SLC12A2: variants seen among roughly 807,000 people sequenced by gnomAD.
SLC12A2 encodes the protein solute carrier family 12 member 2, also known as Na-K-2Cl cotransporter 1.
SLC12A2 carries 67 observed loss-of-function variants against 136.3 expected under a neutral mutation model. The observed-to-expected ratio is 0.49, with a 90% CI of 0.40 to 0.60. The LOEUF (loss-of-function observed/expected upper bound fraction) is 0.60, where lower values mean the gene tolerates loss of function less well. SLC12A2 is among the 20% of genes least tolerant of loss of function. SLC12A2 has a pLI of 0.00. For missense variants in SLC12A2, 1,322 were observed against 1,534.7 expected, an observed-to-expected ratio of 0.86 and a Z score of 2.32; for synonymous variants, 619 against 562.9, an observed-to-expected ratio of 1.10 and a Z score of -1.41.
chr5:128,164,291 GATTCTTCTGTAA>G (rs1561697451), intron 17 of SLC12A2, among the ~76,000 whole-genome samples: 1 of 152,162 alleles, frequency 6.6e-6, no homozygotes, highest in Non-Finnish European at 1.5e-5. Context: ...TGGTGTAAAT[GATTCTTCTGTAA>G]ATTTGGCAGG....
chr5:128,131,873 C>T (rs1286862611), intron 5 of SLC12A2, among the ~76,000 whole-genome samples: 1 of 151,956 alleles, frequency 6.6e-6, no homozygotes, highest in Non-Finnish European at 1.5e-5. Context: ...GGTGTGGTGG[C>T]GCATGCCTGT....
intron 1 of SLC12A2, chr5:128,109,406 T>A: frequency 6.0e-6 from 2 of 334,314 alleles, no homozygotes; most frequent in Non-Finnish European, 1.2e-5. Flanking sequence ...GGTGTGCCCC[T>A]GCCGAAGCCT....
chr5:128,140,830 A>G (rs1762342433), intron 9 of SLC12A2, among the ~76,000 whole-genome samples: 1 of 151,966 alleles, frequency 6.6e-6, no homozygotes, highest in Admixed American at 6.6e-5. Flanking sequence ...AGGTACCTTT[A>G]TGGAAACATG....
At chr5:128,098,174 G>T (rs1417119482) in intron 1 of SLC12A2, among the ~76,000 whole-genome samples, 1 of 151,936 alleles carries the variant, frequency 6.6e-6, no homozygotes. Context: ...TAAGTTTCTT[G>T]AATCTGTACG....
intron 17 of SLC12A2, 33 bp from the exon 18 acceptor site, chr5:128,167,728 T>C (rs780929155): frequency 1.4e-6 from 2 of 1,408,524 alleles, no homozygotes; most frequent in Non-Finnish European, 2.0e-6. Context: ...GAAAATAATA[T>C]ATCTGTAAAG....
chr5:128,173,216 T>C (rs1056575991), intron 19 of SLC12A2, among the ~76,000 whole-genome samples: 4 of 152,164 alleles, frequency 2.6e-5, no homozygotes, highest in Admixed American at 1.3e-4. Context: ...AAAAAGCAAT[T>C]TGAGGTCTTT....
chr5:128,162,810 C>G (rs1180362716), intron 17 of SLC12A2, among the ~76,000 whole-genome samples: 1 of 152,200 alleles, frequency 6.6e-6, no homozygotes, highest in Non-Finnish European at 1.5e-5. Flanking sequence ...AAAATTAAGT[C>G]TGCCAATACA....
At chr5:128,178,470 C>A in intron 21 of SLC12A2, 97 bp from the exon 22 acceptor site, 1 of 849,370 alleles carries the variant, frequency 1.2e-6, no homozygotes, top group Non-Finnish European at 1.7e-6. Flanking sequence ...GTAGTATAAA[C>A]ATCTGAATAT....
At chr5:128,105,110 A>G (rs1240291177) in intron 1 of SLC12A2, among the ~76,000 whole-genome samples, 6 of 152,248 alleles carry the variant, frequency 3.9e-5, no homozygotes, top group Non-Finnish European at 8.8e-5. Flanking sequence ...CCATTTTGAC[A>G]GAAGTCACTG....
rs758125825 is a variant in SLC12A2 at position 128,131,086 on chromosome 5, A to T, written c.1068A>T (p.Ile356=). The change falls in exon 5 of 27, where the codon ATA becomes ATT. Residue 356 remains isoleucine, a synonymous_variant. Transcript: ENST00000262461. ...FVRGGGAYYL[I]SRSLGPEFGG... is the part of the protein sequence containing the mutation. ...TTTTAGGAGGAGCATATTATTTAATATCTAGAAGTCTAGGGCCAGAATTTG... is the reference window on the plus strand; with the variant it reads ...TTTTAGGAGGAGCATATTATTTAATTTCTAGAAGTCTAGGGCCAGAATTTG... 1.6e-5 allele frequency: 26 copies of T among 1,614,004 alleles called. No homozygotes were observed. The South Asian group carries it at 2.7e-4, about 17-fold the overall frequency.
At position 128,084,109 on chromosome 5, in the gene SLC12A2, AC is replaced by A; in HGVS notation, c.156del (p.Asp52GlufsTer90). The A allele has an allele frequency of 7.6e-7, 1 of 1,310,760 alleles. No homozygotes were observed. The highest frequency in any genetic ancestry group is 2.2e-5 in the South Asian group (1 of 45,200). 81.2% of individuals were successfully genotyped at this position (1,310,760 alleles called of 1,614,324 possible). A position where few individuals can be genotyped will look rare whatever the true frequency, so the allele number is the denominator to read the frequency against. On this transcript the variant is annotated frameshift_variant, in exon 1 of 27. Coordinates refer to ENST00000262461, the MANE Select transcript of SLC12A2 (RefSeq NM_001046.3). LOFTEE classifies it high-confidence loss of function. The surrounding 1 kb of genome is among the most constrained non-coding windows in gnomAD (Gnocchi z 5.6). Reference protein sequence around the residue: ...VPEDAAPASRDGGGVRDEGPA... With the variant: ...VPEDAAPASRXGGGVRDEGPA... Reference sequence around the variant, plus strand: ...GAGGATGCTGCGCCCGCGAGCCGGGACGGCGGCGGGGTCCGCGATGAGGGCC... The same window carrying A: ...GAGGATGCTGCGCCCGCGAGCCGGGAGGCGGCGGGGTCCGCGATGAGGGCC...
intron 4 of SLC12A2, among the ~76,000 whole-genome samples, chr5:128,126,258 TAAAAGATTTGA>T (rs1761791456): frequency 6.6e-6 from 1 of 152,046 alleles, no homozygotes. Flanking sequence ...TAAAAATGGG[TAAAAGATTTGA>T]ATAGACGTTT....
intron 7 of SLC12A2, among the ~76,000 whole-genome samples, chr5:128,137,582 G>T (rs1762226371): frequency 6.6e-6 from 1 of 152,140 alleles, no homozygotes; most frequent in Non-Finnish European, 1.5e-5. Context: ...ATGAAGGCAG[G>T]AACAATGTCT....
chr5:128,167,321 A>C (rs537951316), intron 17 of SLC12A2, among the ~76,000 whole-genome samples: 8 of 152,294 alleles, frequency 5.3e-5, no homozygotes, highest in Admixed American at 3.3e-4. Context: ...CTTTTGCATG[A>C]TTGGTAGAAC....
intron 20 of SLC12A2, among the ~76,000 whole-genome samples, chr5:128,176,078 G>A (rs534228681): frequency 1.3e-5 from 2 of 152,122 alleles, no homozygotes; most frequent in South Asian, 4.1e-4. Flanking sequence ...AGAGACATTA[G>A]TGTGTAGTTG....
chr5:128,112,971 A>G (rs1761210096), intron 2 of SLC12A2, 38 bp downstream of exon 2: 4 of 1,508,704 alleles, frequency 2.7e-6, no homozygotes, highest in African/African-American at 1.4e-5. Context: ...GTTACAGCAT[A>G]TCTGTTGGTT....
intron 15 of SLC12A2, among the ~76,000 whole-genome samples, chr5:128,153,317 C>T (rs1561690589): frequency 1.3e-5 from 2 of 152,074 alleles, no homozygotes; most frequent in African/African-American, 2.4e-5. Flanking sequence ...CACTTTGGGA[C>T]GCCAAGGCTG....
rs1326445668 is a variant in SLC12A2 at position 128,114,592 on chromosome 5, C to T, written c.959C>T (p.Ser320Leu). The part of the protein sequence containing the change: ...WIVGQAGIGL[S>L]VLVIMMATVV... ...TCTTTCTTTCTTCGTAAAGGTCTATCAGTCCTTGTAATAATGATGGCCACT... is the reference window on the plus strand; with the variant it reads ...TCTTTCTTTCTTCGTAAAGGTCTATTAGTCCTTGTAATAATGATGGCCACT... Residue 320 changes from serine to leucine, a missense_variant, in exon 4 of 27, where the codon TCA becomes TTA. Ser to Leu is a moderately radical substitution (Grantham distance 145). This residue lies in a region of SLC12A2 where 71 missense variants were observed against 131.0 expected (regional missense o/e 0.54). Coordinates refer to ENST00000262461, the MANE Select transcript of SLC12A2 (RefSeq NM_001046.3). 1 of 1,599,760 alleles carries T rather than the reference C, an allele frequency of 6.3e-7. No individual in the cohort carries two copies. Among genetic ancestry groups the T allele is most frequent in the African/African-American group, 1.3e-5 (1 of 74,610 alleles).
chr5:128,113,988 A>G (rs573852662), intron 2 of SLC12A2, among the ~76,000 whole-genome samples: 1 of 152,258 alleles, frequency 6.6e-6, no homozygotes, highest in East Asian at 1.9e-4. Flanking sequence ...TTATTTTCAT[A>G]CACACTTTTA....
Sources: allele counts gnomAD v4.1 joint callset (sites outside exome capture counted in the v4.1 genomes callset), GRCh38; gene constraint gnomAD v4.1.1; regional missense constraint gnomAD v4.1.1; non-coding constraint Gnocchi (gnomAD v3.1); transcripts MANE v1.5; gene names NCBI Gene and HGNC (gene_info 2026-07-23, HGNC 2026-07-21).